Variants in RORA observed in about 807,000 individuals in gnomAD.
RORA encodes the protein nuclear receptor ROR-alpha.
Under a neutral mutation model 69.5 loss-of-function variants are expected in RORA, and 7 were observed. That is an observed-to-expected ratio of 0.10 (90% confidence interval 0.06 to 0.19). The LOEUF is 0.19. RORA is among the 10% of genes least tolerant of loss of function. The pLI is 1.00. For synonymous variants in RORA, 261 were observed against 240.8 expected (o/e 1.08, Z -0.78); for missense variants, 457 against 663.0 (o/e 0.69, Z 3.41).
intron 2 of RORA, among the ~76,000 whole-genome samples, chr15:60,543,583 A>T (rs2066972025): frequency 6.6e-6 from 1 of 151,998 alleles, no homozygotes; most frequent in Admixed American, 6.5e-5. Context: ...GCCTGAAGCA[A>T]TCCTACCACC....
rs1219289447 is a variant in RORA, at chr15:61,147,053, C to A, written c.166+82000G>T. On this transcript the variant is annotated intron_variant, in intron 1 of 10. Coordinates refer to ENST00000335670, the MANE Select transcript of RORA (RefSeq NM_134261.3). The surrounding 1 kb of genome is among the most constrained non-coding windows in gnomAD (Gnocchi z 4.1). ...CGGGGGAACTAAATGGATTCCATTT[C>A]CTCTGCCACCTCTGAGTGCTTGGAG... 6.6e-6 allele frequency among the ~76,000 whole-genome samples: 1 copy of A among 152,034 alleles called. No homozygotes were observed. The highest frequency in any genetic ancestry group is 2.1e-4 in the South Asian group (1 of 4,806).
chr15:60,779,108 G>A (rs1210844673), intron 1 of RORA, among the ~76,000 whole-genome samples: 1 of 152,146 alleles, frequency 6.6e-6, no homozygotes, highest in Non-Finnish European at 1.5e-5. Context: ...TAAATAACTC[G>A]TTTCAAGCCT....
chr15:60,771,495 C>A (rs1448305141), intron 1 of RORA, among the ~76,000 whole-genome samples: 1 of 152,184 alleles, frequency 6.6e-6, no homozygotes, highest in Admixed American at 6.5e-5. Flanking sequence ...TTTGCAGTGT[C>A]CAGCACTAGG....
intron 2 of RORA, among the ~76,000 whole-genome samples, chr15:60,585,006 A>G (rs1450770577): frequency 6.6e-6 from 1 of 152,060 alleles, no homozygotes; most frequent in East Asian, 1.9e-4. Flanking sequence ...TTCTAATAGG[A>G]ACACGTAAGC....
rs2072296464 is a variant in RORA, at chr15:60,783,790, C to T, written c.167-105104G>A. Reference sequence around the variant, plus strand: ...GTCCTGGAAGTACCTCCAGTAAGGGCCTGAGAAAACTTTAAATGCCAGGGT... The same window carrying T: ...GTCCTGGAAGTACCTCCAGTAAGGGTCTGAGAAAACTTTAAATGCCAGGGT... On this transcript the variant is annotated intron_variant, in intron 1 of 10. Transcript: ENST00000335670. Among the ~76,000 whole-genome samples, 3 of 152,172 alleles carry T rather than the reference C, an allele frequency of 2.0e-5. No individual in the cohort carries two copies. In the South Asian group the frequency reaches 6.2e-4, roughly 32 times the overall value.
chr15:60,895,276 G>C (rs532805904), intron 1 of RORA, among the ~76,000 whole-genome samples: 1 of 152,084 alleles, frequency 6.6e-6, no homozygotes, highest in African/African-American at 2.4e-5. Context: ...AGTTCTGATC[G>C]GATTCACTTG....
At chr15:60,732,421 C>A (rs1005211886) in intron 1 of RORA, among the ~76,000 whole-genome samples, 2 of 152,152 alleles carry the variant, frequency 1.3e-5, no homozygotes, top group Non-Finnish European at 2.9e-5. Flanking sequence ...TGTGGGAAAT[C>A]TTCAGCAAAC....
chr15:60,713,162 C>G (rs1343115041), intron 1 of RORA, among the ~76,000 whole-genome samples: 1 of 152,048 alleles, frequency 6.6e-6, no homozygotes, highest in Non-Finnish European at 1.5e-5. Flanking sequence ...CAAAAGAAAA[C>G]AAATGTCATA....
intron 1 of RORA, among the ~76,000 whole-genome samples, chr15:61,139,055 A>T (rs2079272415): frequency 6.6e-6 from 1 of 151,944 alleles, no homozygotes; most frequent in Non-Finnish European, 1.5e-5. Context: ...GAGGCAGGAG[A>T]ACGGCACGAA....
At chr15:60,858,913 C>A (rs989350471) in intron 1 of RORA, among the ~76,000 whole-genome samples, 1 of 152,004 alleles carries the variant, frequency 6.6e-6, no homozygotes, top group Non-Finnish European at 1.5e-5. Context: ...AAAGAAGGCC[C>A]GGTGCCCTTG....
At chr15:60,869,269 C>A (rs1384148831) in intron 1 of RORA, among the ~76,000 whole-genome samples, 2 of 152,086 alleles carry the variant, frequency 1.3e-5, no homozygotes, top group East Asian at 3.9e-4. Context: ...GGACCTTTCC[C>A]AGAGATATAG....
intron 1 of RORA, among the ~76,000 whole-genome samples, chr15:61,040,155 T>TAC (rs1896686045): frequency 8.6e-6 from 1 of 116,870 alleles, no homozygotes; most frequent in African/African-American, 3.3e-5. Flanking sequence ...TATATATATA[T>TAC]ATATATATAA....
chr15:61,150,905 A>T (rs953202755), intron 1 of RORA, among the ~76,000 whole-genome samples: 11 of 152,214 alleles, frequency 7.2e-5, no homozygotes, highest in Non-Finnish European at 1.3e-4. Flanking sequence ...TTCATTTTTT[A>T]AATTAATTTA....
chr15:60,659,776 A>G (rs1470799956), intron 2 of RORA, among the ~76,000 whole-genome samples: 1 of 152,240 alleles, frequency 6.6e-6, no homozygotes, highest in Non-Finnish European at 1.5e-5. Flanking sequence ...GAGTTCATAA[A>G]AAAATTGAAT....
chr15:61,102,001 C>T (rs1460208896), intron 1 of RORA, among the ~76,000 whole-genome samples: 1 of 152,156 alleles, frequency 6.6e-6, no homozygotes, highest in African/African-American at 2.4e-5. Context: ...TCTCCCAAGG[C>T]ACACAGGGAA....
intron 1 of RORA, among the ~76,000 whole-genome samples, chr15:60,707,009 A>T (rs1011428749): frequency 3.9e-5 from 6 of 152,228 alleles, no homozygotes; most frequent in Non-Finnish European, 2.9e-5. Flanking sequence ...CAAGAGAAAG[A>T]CACTAATAAT....
chr15:61,148,814 A>C (rs1186870993), intron 1 of RORA, among the ~76,000 whole-genome samples: 1 of 152,136 alleles, frequency 6.6e-6, no homozygotes, highest in African/African-American at 2.4e-5. Flanking sequence ...GGCCGAGGGG[A>C]AAGGTAACCT....
At chr15:60,510,506 C>T (rs1019522506) in intron 5 of RORA, 5 of 152,200 alleles carry the variant, frequency 3.3e-5, no homozygotes, top group African/African-American at 1.2e-4. Flanking sequence ...TCAATTTTGT[C>T]ACCAATATCC....
chr15:61,110,203 C>T (rs1468358785), intron 1 of RORA, among the ~76,000 whole-genome samples: 6 of 152,170 alleles, frequency 3.9e-5, no homozygotes, highest in Non-Finnish European at 7.3e-5. Flanking sequence ...TCATGACCAT[C>T]CTGGCCAACA....
Sources: allele counts gnomAD v4.1 joint callset (sites outside exome capture counted in the v4.1 genomes callset), GRCh38; gene constraint gnomAD v4.1.1; non-coding constraint Gnocchi (gnomAD v3.1); transcripts MANE v1.5; gene names NCBI Gene and HGNC (gene_info 2026-07-23, HGNC 2026-07-21).